Variants in COG5 observed in about 807,000 individuals in gnomAD.
COG5 encodes the protein conserved oligomeric Golgi complex subunit 5.
Under a neutral mutation model 110.4 loss-of-function variants are expected in COG5, and 86 were observed. The observed-to-expected ratio is 0.78, with a 90% CI of 0.65 to 0.93. The LOEUF (loss-of-function observed/expected upper bound fraction) is 0.93. Among genes scored for constraint, COG5 ranks in the 40% least tolerant of loss-of-function variants. COG5 has a pLI of 0.00. For missense variants in COG5, 1,077 were observed against 987.0 expected, an observed-to-expected ratio of 1.09 and a Z score of -1.22; for synonymous variants, 360 against 334.6, an observed-to-expected ratio of 1.08 and a Z score of -0.83.
intron 6 of COG5, among the ~76,000 whole-genome samples, chr7:107,446,962 T>C (rs4727680): frequency 1.7e-4 from 26 of 152,076 alleles, no homozygotes; most frequent in Admixed American, 1.6e-3. Flanking sequence ...GTGGGCTCAA[T>C]TGGCTTTTTC....
intron 11 of COG5, among the ~76,000 whole-genome samples, chr7:107,316,657 C>CAAAAAA (rs760555445): frequency 1.2e-4 from 9 of 75,920 alleles, no homozygotes; most frequent in African/African-American, 1.7e-4. Flanking sequence ...ACTAAAAATA[C>CAAAAAA]AAAAAAAAAA....
At chr7:107,386,932 C>G (rs535316284) in intron 7 of COG5, among the ~76,000 whole-genome samples, 2 of 152,230 alleles carry the variant, frequency 1.3e-5, no homozygotes, top group African/African-American at 4.8e-5. Context: ...CCTTTTCCCT[C>G]AGCCCCACTA....
chr7:107,372,800 A>T (rs777655666), intron 7 of COG5, 40 bp from the exon 8 acceptor site: 9 of 1,597,436 alleles, frequency 5.6e-6, no homozygotes, highest in South Asian at 3.3e-5. Flanking sequence ...AGATATAAAT[A>T]GGAAAACAAA....
intron 12 of COG5, among the ~76,000 whole-genome samples, chr7:107,295,038 T>TACACACAC (rs1249923848): frequency 3.2e-3 from 170 of 53,302 alleles, no homozygotes; most frequent in Non-Finnish European, 4.0e-3. Flanking sequence ...CACACACATA[T>TACACACAC]ACACACACAC....
At chr7:107,499,409 T>A (rs1274200406) in intron 6 of COG5, among the ~76,000 whole-genome samples, 1 of 65,784 alleles carries the variant, frequency 1.5e-5, no homozygotes, top group East Asian at 4.4e-4. Context: ...GAGGAGTAAA[T>A]TTTTTTTTTT....
At chr7:107,309,641 G>C (rs1808041425) in intron 11 of COG5, among the ~76,000 whole-genome samples, 2 of 152,190 alleles carry the variant, frequency 1.3e-5, no homozygotes, top group South Asian at 2.1e-4. Context: ...ACAAATTACT[G>C]AGTTTAAAAG....
intron 5 of COG5, among the ~76,000 whole-genome samples, chr7:107,530,727 T>C (rs1801147497): frequency 6.6e-6 from 1 of 152,122 alleles, no homozygotes; most frequent in South Asian, 2.1e-4. Context: ...ATAAAATCCT[T>C]AGTTAATAAG....
intron 7 of COG5, among the ~76,000 whole-genome samples, chr7:107,387,971 C>T (rs750286129): frequency 2.6e-5 from 4 of 152,226 alleles, no homozygotes; most frequent in East Asian, 1.9e-4. Context: ...CACATTCCAG[C>T]CCATGGCTCT....
intron 6 of COG5, among the ~76,000 whole-genome samples, chr7:107,465,532 T>C (rs1796245415): frequency 6.6e-6 from 1 of 152,216 alleles, no homozygotes; most frequent in Non-Finnish European, 1.5e-5. Flanking sequence ...TCCAAACTGA[T>C]CTACAGATTC....
intron 6 of COG5, among the ~76,000 whole-genome samples, chr7:107,433,195 A>C (rs1236699173): frequency 1.3e-5 from 2 of 152,242 alleles, no homozygotes; most frequent in African/African-American, 2.4e-5. Context: ...TAAAGACAAC[A>C]CAAATAAATG....
At chr7:107,490,183 C>A (rs1797899221) in intron 6 of COG5, among the ~76,000 whole-genome samples, 1 of 152,064 alleles carries the variant, frequency 6.6e-6, no homozygotes, top group African/African-American at 2.4e-5. Flanking sequence ...CTACTCTCTT[C>A]CAGTATCGTC....
At chr7:107,379,697 A>G (rs1404533241) in intron 7 of COG5, among the ~76,000 whole-genome samples, 2 of 152,144 alleles carry the variant, frequency 1.3e-5, no homozygotes, top group Non-Finnish European at 2.9e-5. Flanking sequence ...GCATTACATA[A>G]TGGTAAAGGG....
Position 107,298,142 on chromosome 7 carries a change from T to A in COG5, c.1313A>T (p.Asp438Val). 1 of 1,549,894 alleles carries A rather than the reference T, an allele frequency of 6.5e-7. No homozygotes were observed. The highest frequency in any genetic ancestry group is 8.8e-7 in the Non-Finnish European group (1 of 1,141,262). The change falls in exon 12 of 22, where the codon GAT becomes GTT. Residue 438 changes from aspartate (D) to valine (V), a missense_variant and splice_region_variant. Asp to Val is a radical substitution (Grantham distance 152, BLOSUM62 -3). Transcript: ENST00000297135. ...DIFIPKKPDYDPEKALKDSLQ... is the reference protein window; with the variant it reads ...DIFIPKKPDYVPEKALKDSLQ... Reference sequence around the variant, plus strand: ...AACAGGTCAAATTAAACAAACATACTCATAATCTGGCTTTTTTGGTATGAA... The same window carrying A: ...AACAGGTCAAATTAAACAAACATACACATAATCTGGCTTTTTTGGTATGAA...
intron 6 of COG5, among the ~76,000 whole-genome samples, chr7:107,479,603 G>A (rs1797196663): frequency 6.6e-6 from 1 of 152,028 alleles, no homozygotes; most frequent in Non-Finnish European, 1.5e-5. Context: ...TAAAAATGAT[G>A]ACCATAAGGA....
At chr7:107,420,846 T>A (rs1350262954) in intron 6 of COG5, among the ~76,000 whole-genome samples, 1 of 152,222 alleles carries the variant, frequency 6.6e-6, no homozygotes, top group Non-Finnish European at 1.5e-5. Flanking sequence ...AGTAAACTCC[T>A]TTAGCTGAAT....
intron 16 of COG5, among the ~76,000 whole-genome samples, chr7:107,249,143 A>G (rs555300126): frequency 1.3e-5 from 2 of 152,286 alleles, no homozygotes; most frequent in East Asian, 3.9e-4. Context: ...AGGGCACAAC[A>G]GTTGCGCATT....
chr7:107,324,877 A>G (rs1000767877), intron 10 of COG5, among the ~76,000 whole-genome samples: 2 of 152,228 alleles, frequency 1.3e-5, no homozygotes, highest in Non-Finnish European at 2.9e-5. Flanking sequence ...AATGCCTGAA[A>G]TACAATAAAC....
intron 8 of COG5, among the ~76,000 whole-genome samples, chr7:107,366,924 C>T (rs1813675400): frequency 6.6e-6 from 1 of 151,944 alleles, no homozygotes; most frequent in African/African-American, 2.4e-5. Context: ...CAACATTCTA[C>T]CAGTGGTAAG....
intron 5 of COG5, among the ~76,000 whole-genome samples, chr7:107,532,312 C>G (rs898391837): frequency 6.6e-6 from 1 of 152,146 alleles, no homozygotes; most frequent in African/African-American, 2.4e-5. Flanking sequence ...CTGCCTTGGC[C>G]TCCCAAAGTG....
Sources: gnomAD v4.1 joint callset for allele counts (sites outside exome capture counted in the v4.1 genomes callset) on GRCh38, gnomAD v4.1.1 for gene constraint, MANE v1.5 for transcripts, NCBI Gene and HGNC (gene_info 2026-07-23, HGNC 2026-07-21) for gene names.